PARD3B: variants seen among roughly 807,000 people sequenced by gnomAD.
PARD3B encodes the protein partitioning defective 3 homolog B.
Under a neutral mutation model 130.2 loss-of-function variants are expected in PARD3B, and 103 were observed. The ratio of observed to expected loss-of-function variants is 0.79; its 90% confidence interval spans 0.67 to 0.93. The LOEUF (loss-of-function observed/expected upper bound fraction) is 0.93. Among genes scored for constraint, PARD3B ranks in the 40% least tolerant of loss-of-function variants. The pLI is 0.00. For missense variants in PARD3B, 1,609 were observed against 1,499.2 expected, an observed-to-expected ratio of 1.07 and a Z score of -1.21; for synonymous variants, 583 against 553.2, an observed-to-expected ratio of 1.05 and a Z score of -0.76.
chr2:204,817,179 G>C (rs2043178157), intron 2 of PARD3B, among the ~76,000 whole-genome samples: 1 of 151,628 alleles, frequency 6.6e-6, no homozygotes, highest in African/African-American at 2.4e-5. Context: ...ATTTTTGTGA[G>C]TTCTGCGTCA....
chr2:205,003,708 G>T (rs1341040001), intron 3 of PARD3B, among the ~76,000 whole-genome samples: 1 of 152,174 alleles, frequency 6.6e-6, no homozygotes. Flanking sequence ...TCAGATTTCT[G>T]TCTGTTTTTC....
intron 2 of PARD3B, among the ~76,000 whole-genome samples, chr2:204,696,754 C>T (rs893627320): frequency 6.6e-6 from 1 of 151,978 alleles, no homozygotes; most frequent in African/African-American, 2.4e-5. Context: ...TACAGAATTG[C>T]GGCAGGATTA....
rs1317439931 is a variant in PARD3B at position 205,226,284 on chromosome 2, G to T, written c.2141-19494G>T. 4.6e-5 allele frequency among the ~76,000 whole-genome samples: 7 copies of T among 152,132 alleles called. No homozygotes were observed. The East Asian group carries it at 1.2e-3, about 25-fold the overall frequency. On this transcript the variant is annotated intron_variant, in intron 15 of 22. Coordinates refer to ENST00000406610, the MANE Select transcript of PARD3B (RefSeq NM_001302769.2). ...TCTCGATCTCCTGATCTTGTGATCCGCCCGCCTTGGCCTCCCAAGTTCTGG... is the reference window on the plus strand; with the variant it reads ...TCTCGATCTCCTGATCTTGTGATCCTCCCGCCTTGGCCTCCCAAGTTCTGG...
At chr2:204,792,613 C>G (rs1486018832) in intron 2 of PARD3B, among the ~76,000 whole-genome samples, 1 of 152,064 alleles carries the variant, frequency 6.6e-6, no homozygotes, top group Non-Finnish European at 1.5e-5. Context: ...AGCATTCTAT[C>G]TCCACCACTG....
In PARD3B at chr2:204,686,226, G is replaced by T; in HGVS notation, c.166G>T (p.Gly56Ter). Residue 56 changes from glycine to a stop codon, truncating the protein, a stop_gained, in exon 2 of 23, where the codon GGA (glycine) becomes TGA (stop). Transcript: ENST00000406610. LOFTEE classifies it high-confidence loss of function. Reference protein sequence around the residue: ...VKIHHLEYTDGGILDPDDVLA... With the variant: ...VKIHHLEYTD ...GATTCATCACTTAGAATATACAGAT[G>T]GAGGAATCCTGGATCCAGATGATGT... 2 of 1,612,772 alleles carry T rather than the reference G, an allele frequency of 1.2e-6. No homozygotes were observed. The highest frequency in any genetic ancestry group is 1.7e-6 in the Non-Finnish European group (2 of 1,178,970).
chr2:205,548,457 T>A (rs1373012565), intron 21 of PARD3B, among the ~76,000 whole-genome samples: 1 of 152,148 alleles, frequency 6.6e-6, no homozygotes, highest in Admixed American at 6.6e-5. Flanking sequence ...ATGTAGTTGC[T>A]GAGCTCAGAA....
intron 2 of PARD3B, among the ~76,000 whole-genome samples, chr2:204,879,590 G>A (rs900312070): frequency 6.6e-5 from 10 of 152,184 alleles, no homozygotes; most frequent in Non-Finnish European, 1.5e-4. Context: ...TGTGAAAATG[G>A]ATAATCTGTA....
chr2:205,516,796 ACT>A (rs1491186053), intron 21 of PARD3B, among the ~76,000 whole-genome samples: 2 of 151,776 alleles, frequency 1.3e-5, no homozygotes, highest in African/African-American at 4.8e-5. Context: ...GACTTCCAAT[ACT>A]CTGTTGATCA....
chr2:205,047,559 C>A, intron 3 of PARD3B, 22 bp from the exon 4 acceptor site: 1 of 1,508,996 alleles, frequency 6.6e-7, no homozygotes, highest in South Asian at 1.2e-5. Flanking sequence ...TTTGACCTCT[C>A]ACCTCTCACT....
chr2:205,480,695 T>A (rs6714542), intron 20 of PARD3B, among the ~76,000 whole-genome samples: 4 of 152,054 alleles, frequency 2.6e-5, no homozygotes, highest in African/African-American at 7.2e-5. Flanking sequence ...TAAAACAGCC[T>A]GAACAGGACC....
chr2:205,549,363 T>C (rs1237479097), intron 21 of PARD3B, among the ~76,000 whole-genome samples: 9 of 152,302 alleles, frequency 5.9e-5, no homozygotes, highest in African/African-American at 2.2e-4. Flanking sequence ...TTATTCATAA[T>C]TGCCAAAATT....
chr2:204,619,463 A>G (rs138096732), intron 1 of PARD3B, among the ~76,000 whole-genome samples: 3 of 152,324 alleles, frequency 2.0e-5, no homozygotes, highest in African/African-American at 7.2e-5. Context: ...ACAGTTTTAT[A>G]TATATAATAT....
rs547083623 is a variant in PARD3B, at chr2:205,447,941, A to G, written c.3044+7269A>G. Among the ~76,000 whole-genome samples the G allele has an allele frequency of 7.0e-4, 106 of 152,280 alleles. 1 individual carries two copies. Among genetic ancestry groups the G allele is most frequent in the African/African-American group, 2.5e-3 (104 of 41,564 alleles). The stretch of plus-strand genomic sequence containing the variant: ...GTTGAGCTACCTGGACACAGCATCT[A>G]AGCCTCATTAACAGCCTTTTAGGTA... On this transcript the variant is annotated intron_variant, in intron 20 of 22. Transcript: ENST00000406610.
chr2:205,491,912 TG>T (rs2049731867), intron 20 of PARD3B, among the ~76,000 whole-genome samples: 1 of 152,230 alleles, frequency 6.6e-6, no homozygotes, highest in African/African-American at 2.4e-5. Flanking sequence ...TCAGGATGGC[TG>T]GGGGGAGGAC....
intron 2 of PARD3B, among the ~76,000 whole-genome samples, chr2:204,847,275 T>A (rs1257811197): frequency 2.0e-5 from 3 of 151,948 alleles, no homozygotes; most frequent in Non-Finnish European, 4.4e-5. Flanking sequence ...TCAAATGGCT[T>A]TGACTAGAAG....
chr2:204,689,968 G>T lies in PARD3B; in HGVS notation c.222+3686G>T, dbSNP rs183902274. 2.6e-5 allele frequency among the ~76,000 whole-genome samples: 4 copies of T among 152,242 alleles called. No individual in the cohort carries two copies. The highest frequency in any genetic ancestry group is 4.1e-4 in the South Asian group (2 of 4,826). Reference sequence around the variant, plus strand: ...GAAAAGGTTGGTAATAGACCAAACTGTTGAGTATAACAAAACAGTTGAGTA... The same window carrying T: ...GAAAAGGTTGGTAATAGACCAAACTTTTGAGTATAACAAAACAGTTGAGTA... On this transcript the variant is annotated intron_variant, in intron 2 of 22. Transcript: ENST00000406610. This position sits in a 1 kb window ranked among gnomAD's most constrained non-coding sequence, Gnocchi z 5.2.
intron 8 of PARD3B, 149 bp from the exon 9 acceptor site, chr2:205,124,178 A>G (rs1336044310): frequency 1.0e-5 from 7 of 697,720 alleles, no homozygotes; most frequent in Non-Finnish European, 1.5e-5. Flanking sequence ...TTTGAAACAC[A>G]AATAACTGAA....
At chr2:204,688,851 T>G (rs2037217581) in intron 2 of PARD3B, among the ~76,000 whole-genome samples, 1 of 152,142 alleles carries the variant, frequency 6.6e-6, no homozygotes, top group Non-Finnish European at 1.5e-5. Flanking sequence ...ATTGGCTACC[T>G]AATAATCTTT....
intron 1 of PARD3B, chr2:204,557,962 T>G (rs1384330867): frequency 6.6e-6 from 1 of 152,224 alleles, no homozygotes; most frequent in Non-Finnish European, 1.5e-5. Context: ...TTCATTAATT[T>G]CATGTTGATT....
Sources: gnomAD v4.1 joint callset for allele counts (sites outside exome capture counted in the v4.1 genomes callset) on GRCh38, gnomAD v4.1.1 for gene constraint, Gnocchi (gnomAD v3.1) non-coding constraint, MANE v1.5 for transcripts, NCBI Gene and HGNC (gene_info 2026-07-23, HGNC 2026-07-21) for gene names.